The following OSTN variants were observed in gnomAD, a reference collection of about 807,000 sequenced individuals.
The protein encoded by OSTN is osteocrin.
A neutral mutation model predicts 12.0 loss-of-function variants in OSTN; 9 were observed. That is an observed-to-expected ratio of 0.75 (90% CI 0.45 to 1.30). OSTN has a LOEUF of 1.30. Among genes scored for constraint, OSTN ranks in the 50% most tolerant of loss-of-function variants. The pLI, the probability that OSTN is intolerant of heterozygous loss-of-function variation, is 0.00. For synonymous variants in OSTN, 59 were observed against 56.9 expected, an observed-to-expected ratio of 1.04 and a Z score of -0.16; for missense variants, 148 against 152.3, an observed-to-expected ratio of 0.97 and a Z score of 0.15.
At chr3:191,245,837 G>A (rs568024242) in intron 3 of OSTN, among the ~76,000 whole-genome samples, 41 of 152,006 alleles carry the variant, frequency 2.7e-4, no homozygotes, top group Non-Finnish European at 5.9e-5. Flanking sequence ...AGGCCGAGGC[G>A]GGTGGATCGC....
At chr3:191,209,944 T>G (rs1161207222) in intron 1 of OSTN, among the ~76,000 whole-genome samples, 1 of 152,204 alleles carries the variant, frequency 6.6e-6, no homozygotes, top group Admixed American at 6.5e-5. Context: ...TCTCTGTCAG[T>G]TTTATGGCAG....
chr3:191,202,881 T>C (rs1316826670), intron 1 of OSTN, among the ~76,000 whole-genome samples: 1 of 152,226 alleles, frequency 6.6e-6, no homozygotes, highest in Non-Finnish European at 1.5e-5. Context: ...TATACTAATG[T>C]TATTTTCTAT....
intron 3 of OSTN, among the ~76,000 whole-genome samples, chr3:191,241,975 C>CA (rs569498733): frequency 1.1e-4 from 17 of 150,252 alleles, no homozygotes; most frequent in East Asian, 3.9e-4. Context: ...AAATTCCTAC[C>CA]AAAAAAAATA....
chr3:191,240,263 TG>T (rs1187058812), intron 3 of OSTN, among the ~76,000 whole-genome samples: 1 of 152,242 alleles, frequency 6.6e-6, no homozygotes, highest in African/African-American at 2.4e-5. Flanking sequence ...CAGCTTGGTC[TG>T]TTCTCACATG....
intron 4 of OSTN, among the ~76,000 whole-genome samples, chr3:191,258,113 CA>C (rs1277970724): frequency 2.0e-5 from 3 of 152,124 alleles, no homozygotes; most frequent in African/African-American, 7.2e-5. Flanking sequence ...AAACAGGTAG[CA>C]AATTTATATC....
At chr3:191,248,271 G>A (rs1201477503) in intron 3 of OSTN, among the ~76,000 whole-genome samples, 1 of 152,136 alleles carries the variant, frequency 6.6e-6, no homozygotes, top group Non-Finnish European at 1.5e-5. Flanking sequence ...AGAATAGTCA[G>A]TTATAGGTTT....
intron 1 of OSTN, among the ~76,000 whole-genome samples, chr3:191,205,544 T>G (rs1714252837): frequency 6.6e-6 from 1 of 151,862 alleles, no homozygotes; most frequent in African/African-American, 2.4e-5. Context: ...TATCAAAAAT[T>G]CGTATTTTGT....
At chr3:191,260,024 G>A (rs936886828) in intron 4 of OSTN, among the ~76,000 whole-genome samples, 2 of 151,498 alleles carry the variant, frequency 1.3e-5, no homozygotes, top group Non-Finnish European at 2.9e-5. Context: ...GCTAACTTTT[G>A]TATTTTTAGT....
intron 3 of OSTN, among the ~76,000 whole-genome samples, chr3:191,229,585 A>T (rs1199304306): frequency 6.6e-6 from 1 of 152,166 alleles, no homozygotes; most frequent in Non-Finnish European, 1.5e-5. Context: ...TAAATTCCTT[A>T]AAAAACTAAG....
chr3:191,202,010 C>T (rs1260123083), intron 1 of OSTN, among the ~76,000 whole-genome samples: 1 of 152,118 alleles, frequency 6.6e-6, no homozygotes, highest in Non-Finnish European at 1.5e-5. Flanking sequence ...GGCTAAATGA[C>T]ATGCCTAATC....
chr3:191,203,007 G>C (rs913936340), intron 1 of OSTN, among the ~76,000 whole-genome samples: 1 of 152,242 alleles, frequency 6.6e-6, no homozygotes, highest in Non-Finnish European at 1.5e-5. Flanking sequence ...TTTGAGGTTA[G>C]TGATGCATGT....
intron 3 of OSTN, among the ~76,000 whole-genome samples, chr3:191,243,227 C>T (rs895222598): frequency 3.3e-5 from 5 of 152,222 alleles, no homozygotes; most frequent in East Asian, 1.9e-4. Context: ...TGTACAATAA[C>T]TTTGGAAAAT....
At chr3:191,225,254 C>T (rs1714879801) in intron 3 of OSTN, among the ~76,000 whole-genome samples, 1 of 152,022 alleles carries the variant, frequency 6.6e-6, no homozygotes, top group South Asian at 2.1e-4. Context: ...AACTTATAAA[C>T]ATTGGTTCAA....
At chr3:191,215,007 G>T (rs1382701420) in intron 2 of OSTN, among the ~76,000 whole-genome samples, 1 of 152,146 alleles carries the variant, frequency 6.6e-6, no homozygotes, top group East Asian at 1.9e-4. Context: ...GTGAGACTTT[G>T]TCTCAAAACA....
intron 1 of OSTN, among the ~76,000 whole-genome samples, chr3:191,211,757 C>T (rs77290535): frequency 0.028 from 4,180 of 151,964 alleles, 205 homozygotes; most frequent in East Asian, 0.22. Context: ...AAGGTTTTGT[C>T]CCTTCAGTTC....
intron 3 of OSTN, among the ~76,000 whole-genome samples, chr3:191,220,595 A>T (rs1009006804): frequency 6.6e-6 from 1 of 152,176 alleles, no homozygotes; most frequent in Non-Finnish European, 1.5e-5. Context: ...GAAAACTAAA[A>T]ATTGAGCTAC....
intron 3 of OSTN, among the ~76,000 whole-genome samples, chr3:191,238,116 C>A (rs1370458357): frequency 6.6e-6 from 1 of 152,156 alleles, no homozygotes; most frequent in Non-Finnish European, 1.5e-5. Flanking sequence ...ATTTGGTCAT[C>A]TCCAGAGGAC....
chr3:191,260,797 T>C (rs1248574728), intron 4 of OSTN, among the ~76,000 whole-genome samples: 1 of 152,130 alleles, frequency 6.6e-6, no homozygotes, highest in Non-Finnish European at 1.5e-5. Context: ...GAGGGAACTT[T>C]ATTTGGTATC....
intron 3 of OSTN, among the ~76,000 whole-genome samples, chr3:191,245,617 C>T (rs1009505143): frequency 4.6e-5 from 7 of 151,956 alleles, no homozygotes; most frequent in South Asian, 4.2e-4. Flanking sequence ...TCCACTATAC[C>T]GCAGCTGCCT....
Sources: gnomAD v4.1 joint callset for allele counts (sites outside exome capture counted in the v4.1 genomes callset) on GRCh38, gnomAD v4.1.1 for gene constraint, MANE v1.5 for transcripts, NCBI Gene and HGNC (gene_info 2026-07-23, HGNC 2026-07-21) for gene names.